Variants in SIL1 observed in about 807,000 individuals in gnomAD.
The protein encoded by SIL1 is SIL1 nucleotide exchange factor, also known as nucleotide exchange factor SIL1.
A neutral mutation model predicts 49.1 loss-of-function variants in SIL1; 40 were observed. That is an observed-to-expected ratio of 0.81 (90% CI 0.63 to 1.06). The LOEUF (loss-of-function observed/expected upper bound fraction) is 1.06, where lower values mean the gene tolerates loss of function less well. SIL1 is among the 50% of genes least tolerant of loss of function. SIL1 has a pLI of 0.00. For synonymous variants in SIL1, 253 were observed against 250.8 expected (o/e 1.01, Z -0.08); for missense variants, 500 against 572.6 (o/e 0.87, Z 1.29).
At chr5:139,093,365 T>C (rs78387810) in intron 3 of SIL1, among the ~76,000 whole-genome samples, 4 of 152,222 alleles carry the variant, frequency 2.6e-5, no homozygotes, top group Non-Finnish European at 5.9e-5. Context: ...AAGACAGAGA[T>C]AAATCAAGTT....
intron 3 of SIL1, among the ~76,000 whole-genome samples, chr5:139,070,968 A>G (rs1003893613): frequency 6.6e-6 from 1 of 152,128 alleles, no homozygotes; most frequent in African/African-American, 2.4e-5. Context: ...CAATCCCACA[A>G]AAAGAGAATC....
chr5:139,141,482 C>CA (rs879446238), intron 1 of SIL1, among the ~76,000 whole-genome samples: 1,775 of 88,162 alleles, frequency 0.02, 22 homozygotes, highest in African/African-American at 0.051. Flanking sequence ...TCTGTCTCTA[C>CA]AAAAAAAAAA....
chr5:139,156,489 G>A (rs1281846463), intron 1 of SIL1, among the ~76,000 whole-genome samples: 3 of 152,056 alleles, frequency 2.0e-5, no homozygotes, highest in Non-Finnish European at 2.9e-5. Context: ...GAGCCCAGGA[G>A]TTGAGTCTGG....
intron 3 of SIL1, among the ~76,000 whole-genome samples, chr5:139,117,587 G>A (rs535017912): frequency 1.3e-4 from 20 of 152,044 alleles, no homozygotes; most frequent in African/African-American, 4.8e-4. Flanking sequence ...TGAGTTCCCT[G>A]CCCAGAACCC....
chr5:139,019,906 AG>A (rs1184428175), intron 7 of SIL1, among the ~76,000 whole-genome samples: 4 of 146,890 alleles, frequency 2.7e-5, no homozygotes. Context: ...AGTGAGCTTT[AG>A]TAAGTTCTCA....
intron 3 of SIL1, among the ~76,000 whole-genome samples, chr5:139,080,180 T>C (rs776130158): frequency 2.6e-5 from 4 of 152,162 alleles, no homozygotes; most frequent in Non-Finnish European, 5.9e-5. Context: ...TTACCACCCA[T>C]TGGACACACT....
intron 1 of SIL1, among the ~76,000 whole-genome samples, chr5:139,179,269 C>T (rs1349463215): frequency 1.3e-5 from 2 of 152,182 alleles, no homozygotes; most frequent in Admixed American, 6.5e-5. Context: ...CAGTGCCCCC[C>T]GAGTGACCCA....
chr5:139,076,971 A>G (rs1043485884), intron 3 of SIL1, among the ~76,000 whole-genome samples: 6 of 152,296 alleles, frequency 3.9e-5, no homozygotes, highest in African/African-American at 1.2e-4. Flanking sequence ...TGTCTCTACT[A>G]AAAATACAAA....
intron 1 of SIL1, among the ~76,000 whole-genome samples, chr5:139,197,075 CCTGAT>C (rs1752288950): frequency 6.6e-6 from 1 of 152,018 alleles, no homozygotes; most frequent in Non-Finnish European, 1.5e-5. Context: ...TCGAGACCAG[CCTGAT>C]CAACATGGAG....
intron 7 of SIL1, among the ~76,000 whole-genome samples, chr5:138,986,393 T>A (rs561392477): frequency 2.0e-5 from 3 of 152,216 alleles, no homozygotes; most frequent in Non-Finnish European, 4.4e-5. Context: ...CGGACTCTGA[T>A]TGATTTAGGA....
intron 1 of SIL1, among the ~76,000 whole-genome samples, chr5:139,134,701 C>A (rs528986139): frequency 6.6e-6 from 1 of 152,222 alleles, no homozygotes; most frequent in South Asian, 2.1e-4. Context: ...GCAGACCCAG[C>A]CCACTCAGTG....
At chr5:139,124,959 C>G (rs1035250485) in intron 2 of SIL1, among the ~76,000 whole-genome samples, 3 of 152,234 alleles carry the variant, frequency 2.0e-5, no homozygotes, top group African/African-American at 7.2e-5. Context: ...TGCTATGATT[C>G]TTTCTTGGTC....
chr5:139,044,876 C>CA (rs1769119402), intron 4 of SIL1, among the ~76,000 whole-genome samples: 1 of 152,194 alleles, frequency 6.6e-6, no homozygotes, highest in Non-Finnish European at 1.5e-5. Context: ...TTTTCACTCA[C>CA]TATCCCCAGC....
chr5:139,192,763 C>T (rs1050550352), intron 1 of SIL1, among the ~76,000 whole-genome samples: 28 of 151,462 alleles, frequency 1.8e-4, no homozygotes, highest in African/African-American at 6.6e-4. Context: ...TTTGGGAGAC[C>T]GAGGCAGGAG....
At chr5:139,100,681 T>C (rs78977727) in intron 3 of SIL1, among the ~76,000 whole-genome samples, 7,562 of 152,254 alleles carry the variant, frequency 0.05, 609 homozygotes, top group African/African-American at 0.17. Context: ...GATATATTTT[T>C]TGAAGACAGA....
At chr5:139,014,764 G>A (rs980019386) in intron 7 of SIL1, among the ~76,000 whole-genome samples, 14 of 152,294 alleles carry the variant, frequency 9.2e-5, no homozygotes, top group Non-Finnish European at 1.5e-4. Flanking sequence ...GGCCAATCTC[G>A]GTTAATATGC....
intron 2 of SIL1, among the ~76,000 whole-genome samples, chr5:139,125,592 T>G (rs1347211640): frequency 6.6e-6 from 1 of 152,216 alleles, no homozygotes; most frequent in Non-Finnish European, 1.5e-5. Context: ...AACCATTTAT[T>G]GGCCATATTG....
At chr5:139,049,082 C>T (rs1581058255) in intron 4 of SIL1, among the ~76,000 whole-genome samples, 1 of 152,182 alleles carries the variant, frequency 6.6e-6, no homozygotes, top group Admixed American at 6.5e-5. Context: ...AGCTGAGTGA[C>T]CTTCTGACAG....
At chr5:139,131,460 T>A (rs1289567326) in intron 1 of SIL1, 3 of 152,104 alleles carry the variant, frequency 2.0e-5, no homozygotes, top group Non-Finnish European at 4.4e-5. Context: ...CCTAAGGACA[T>A]CTGCAGCCAT....
Sources: allele counts gnomAD v4.1 joint callset (sites outside exome capture counted in the v4.1 genomes callset), GRCh38; gene constraint gnomAD v4.1.1; transcripts MANE v1.5; gene names NCBI Gene and HGNC (gene_info 2026-07-23, HGNC 2026-07-21).